The following ZNF782 variants were observed in gnomAD, a reference collection of about 807,000 sequenced individuals.
The protein encoded by ZNF782 is zinc finger protein 782.
Under a neutral mutation model 13.0 loss-of-function variants are expected in ZNF782, and 12 were observed. That is an observed-to-expected ratio of 0.92 (90% CI 0.59 to 1.50). The LOEUF (loss-of-function observed/expected upper bound fraction) is 1.50, where lower values mean the gene tolerates loss of function less well. ZNF782 is among the 40% of genes most tolerant of loss of function. The pLI, the probability that ZNF782 is intolerant of heterozygous loss-of-function variation, is 0.00. For missense variants in ZNF782, 770 were observed against 822.9 expected, an observed-to-expected ratio of 0.94 and a Z score of 0.79; for synonymous variants, 284 against 283.0, an observed-to-expected ratio of 1.00 and a Z score of -0.04.
At position 96,817,038 on chromosome 9, in the gene ZNF782, C is replaced by T. The variant is rs1383315272; in HGVS notation, c.*885G>A. Reference sequence around the variant, plus strand: ...TATTTCCTCACTGCAAGAAGTCCAACTGTGTACAGGGAGGAGAAAACTCCA... The same window carrying T: ...TATTTCCTCACTGCAAGAAGTCCAATTGTGTACAGGGAGGAGAAAACTCCA... On this transcript the variant is annotated 3_prime_UTR_variant, in exon 6 of 6. Transcript: ENST00000481138. The T allele has an allele frequency of 1.3e-5, 2 of 152,202 alleles. No homozygotes were observed. The highest frequency in any genetic ancestry group is 2.9e-5 in the Non-Finnish European group (2 of 68,044). 9.4% of individuals were successfully genotyped at this position (152,202 alleles called of 1,614,324 possible). A position where few individuals can be genotyped will look rare whatever the true frequency, so the allele number is the denominator to read the frequency against.
upstream of ZNF782, among the ~76,000 whole-genome samples, chr9:96,880,016 T>G (rs1313211169): frequency 6.6e-6 from 1 of 152,192 alleles, no homozygotes; most frequent in Non-Finnish European, 1.5e-5. Context: ...CCCAGTACTA[T>G]GTTGAATAGT....
the ZNF782 span, among the ~76,000 whole-genome samples, chr9:96,917,887 C>CGCGCGTGTGTGT: frequency 8.2e-6 from 1 of 121,682 alleles, no homozygotes; most frequent in African/African-American, 3.6e-5. Context: ...CCACCCTTGG[C>CGCGCGTGTGTGT]GTGTGTGTGT....
At chr9:96,929,858 C>A in the ZNF782 span, among the ~76,000 whole-genome samples, 1 of 151,592 alleles carries the variant, frequency 6.6e-6, no homozygotes, top group East Asian at 1.9e-4. Context: ...TATACTACCT[C>A]ATGAACGGGC....
chr9:96,876,886 G>A (rs1851897981), upstream of ZNF782, among the ~76,000 whole-genome samples: 1 of 126,086 alleles, frequency 7.9e-6, no homozygotes, highest in Non-Finnish European at 1.6e-5. Flanking sequence ...GGCGCCTGCA[G>A]TCCCAGCTAC....
Position 96,818,487 on chromosome 9 carries a change from C to G in ZNF782, c.1536G>C (p.Gly512=), listed in dbSNP as rs777912192. 2.0e-5 allele frequency: 32 copies of G among 1,613,650 alleles called. No individual in the cohort carries two copies. Among genetic ancestry groups the G allele is most frequent in the Non-Finnish European group, 2.6e-5 (31 of 1,179,970 alleles). ...GGCCTGACTTCAGTTTGAAAGCTTT[C>G]CCACATTCATCACATTTATATGGTC... ...GERPYKCDEC[G]KAFKLKSGLR... is the part of the protein sequence containing the mutation. Residue 512 remains glycine, a synonymous_variant, in exon 6 of 6, where the codon GGG becomes GGC. Transcript: ENST00000481138.
At chr9:96,920,457 G>A in the ZNF782 span, among the ~76,000 whole-genome samples, 3 of 148,038 alleles carry the variant, frequency 2.0e-5, no homozygotes, top group South Asian at 6.5e-4. Flanking sequence ...TAGTAGAGAC[G>A]GGGTTTCACC....
chr9:96,852,777 G>A (rs1851535867), intron 2 of ZNF782, 76 bp downstream of exon 2: 1 of 152,598 alleles, frequency 6.6e-6, no homozygotes, highest in Admixed American at 6.5e-5. Context: ...ATACTTTAAG[G>A]CAAAGAGTTT....
Position 96,844,816 on chromosome 9 carries a change from C to T in ZNF782, c.142+74G>A, listed in dbSNP as rs527409903. On this transcript the variant is annotated intron_variant, in intron 4 of 5. Coordinates refer to ENST00000481138, the MANE Select transcript of ZNF782 (RefSeq NM_001001662.3). ...GCACTGTAGAGGGAGTCACATGGTA[C>T]GGTATGGAGAGAGAGAAAGAGAGGA... 1.1e-3 allele frequency: 1,703 copies of T among 1,603,140 alleles called. 2 individuals carry two copies. Among genetic ancestry groups the T allele is most frequent in the Non-Finnish European group, 1.3e-3 (1,567 of 1,171,452 alleles).
intron 1 of ZNF782, among the ~76,000 whole-genome samples, chr9:96,867,524 A>G (rs914316439): frequency 1.3e-5 from 2 of 152,168 alleles, no homozygotes; most frequent in South Asian, 2.1e-4. Flanking sequence ...AGACTAATAC[A>G]CTGTGCAAGT....
intron 3 of ZNF782, among the ~76,000 whole-genome samples, chr9:96,848,958 A>G (rs772917219): frequency 2.0e-5 from 3 of 152,252 alleles, no homozygotes; most frequent in Non-Finnish European, 4.4e-5. Context: ...ACAGTATGGT[A>G]CTGGTATAAA....
intron 1 of ZNF782, among the ~76,000 whole-genome samples, chr9:96,863,323 C>G (rs1851725101): frequency 6.6e-6 from 1 of 151,266 alleles, no homozygotes; most frequent in Non-Finnish European, 1.5e-5. Context: ...CGACCTTGCT[C>G]CTGCAGGAAT....
At chr9:96,928,849 C>G in the ZNF782 span, 1 of 621,664 alleles carries the variant, frequency 1.6e-6, no homozygotes, top group South Asian at 1.8e-5. Flanking sequence ...CACTGCCCCT[C>G]CCCCTCTGCA....
upstream of ZNF782, among the ~76,000 whole-genome samples, chr9:96,877,854 T>G (rs542007858): frequency 6.6e-6 from 1 of 152,330 alleles, no homozygotes; most frequent in African/African-American, 2.4e-5. Flanking sequence ...TATAAACAAC[T>G]TAATTGGCTT....
chr9:96,825,161 C>T (rs1385336947), intron 5 of ZNF782, among the ~76,000 whole-genome samples: 1 of 152,048 alleles, frequency 6.6e-6, no homozygotes, highest in Non-Finnish European at 1.5e-5. Context: ...AACCATACTA[C>T]AAGGCTACAG....
At chr9:96,855,953 C>A (rs1456466095), upstream of ZNF782, among the ~76,000 whole-genome samples, 1 of 152,156 alleles carries the variant, frequency 6.6e-6, no homozygotes, top group African/African-American at 2.4e-5. Flanking sequence ...GCCATTCTTG[C>A]AGGAGTAAGG....
At chr9:96,920,327 C>T in the ZNF782 span, among the ~76,000 whole-genome samples, 6 of 147,440 alleles carry the variant, frequency 4.1e-5, no homozygotes, top group Non-Finnish European at 9.0e-5. Context: ...AGTGCAGGGG[C>T]ACGATCTCTG....
rs910449384 is a variant in ZNF782, at chr9:96,817,295, G to T, written c.*628C>A. On this transcript the variant is annotated 3_prime_UTR_variant, in exon 6 of 6. Coordinates refer to ENST00000481138, the MANE Select transcript of ZNF782 (RefSeq NM_001001662.3). ...GGTTGAGAAATTTAGGCCAGGTGTG[G>T]CATGAGGGAGAAGTGAAAATGATTA... The T allele has an allele frequency of 2.0e-5, 3 of 152,264 alleles. No individual in the cohort carries two copies. Among genetic ancestry groups the T allele is most frequent in the African/African-American group, 7.2e-5 (3 of 41,442 alleles). The allele number at this position is 152,264 out of a possible 1,614,324, so 9.4% of individuals were successfully genotyped here. A position where few individuals can be genotyped will look rare whatever the true frequency, so the allele number is the denominator to read the frequency against.
intron 1 of ZNF782, among the ~76,000 whole-genome samples, chr9:96,867,941 C>T (rs1272580540): frequency 6.6e-6 from 1 of 152,170 alleles, no homozygotes. Flanking sequence ...TAGTAGCTCA[C>T]TGTGATATTT....
At chr9:96,912,894 A>C in the ZNF782 span, among the ~76,000 whole-genome samples, 16 of 151,992 alleles carry the variant, frequency 1.1e-4, no homozygotes, top group African/African-American at 3.1e-4. Flanking sequence ...ATATGCATGA[A>C]ACAATGTTGT....
Sources: gnomAD v4.1 joint callset for allele counts (sites outside exome capture counted in the v4.1 genomes callset) on GRCh38, gnomAD v4.1.1 for gene constraint, MANE v1.5 for transcripts, NCBI Gene and HGNC (gene_info 2026-07-23, HGNC 2026-07-21) for gene names.